The following NEIL3 variants were observed in gnomAD, a reference collection of about 807,000 sequenced individuals.
The protein encoded by NEIL3 is endonuclease 8-like 3.
In NEIL3, 48 loss-of-function variants were observed where a neutral mutation model predicts 57.5. That is an observed-to-expected ratio of 0.83 (90% confidence interval 0.66 to 1.06). The LOEUF (loss-of-function observed/expected upper bound fraction) is 1.06. Ranked by LOEUF, NEIL3 falls within the 50% of genes least tolerant of loss-of-function variation. The pLI is 0.00. For missense variants in NEIL3, 717 were observed against 739.1 expected (o/e 0.97, Z 0.35); for synonymous variants, 261 against 253.2 (o/e 1.03, Z -0.29).
downstream of NEIL3, among the ~76,000 whole-genome samples, chr4:177,363,390 A>G (rs1242638673): frequency 1.3e-5 from 2 of 152,226 alleles, no homozygotes; most frequent in Non-Finnish European, 1.5e-5. Flanking sequence ...AACATGTTTT[A>G]TAGTTTTATA....
At chr4:177,370,402 C>T in the NEIL3 span, among the ~76,000 whole-genome samples, 1 of 152,182 alleles carries the variant, frequency 6.6e-6, no homozygotes, top group African/African-American at 2.4e-5. Flanking sequence ...TGTAGGGTCA[C>T]ATGGTTTCAC....
chr4:177,341,608 T>C lies in NEIL3; in HGVS notation c.835T>C (p.Cys279Arg). 1.2e-6 allele frequency: 2 copies of C among 1,613,574 alleles called. No homozygotes were observed. Among genetic ancestry groups the C allele is most frequent in the Non-Finnish European group, 8.5e-7 (1 of 1,179,856 alleles). The change falls in exon 6 of 10, where the codon TGT (cysteine) becomes CGT (arginine). Residue 279 changes from cysteine (C) to arginine (R), a missense_variant. Cys to Arg is a radical substitution (Grantham distance 180, BLOSUM62 -3). Transcript: ENST00000264596. ...NNRMTYFCPH[C>R]QKENPQHVDI... ...CAGAATGACATATTTCTGTCCTCACTGTCAAAAAGAAAATCCTCAACATGT... is the reference window on the plus strand; with the variant it reads ...CAGAATGACATATTTCTGTCCTCACCGTCAAAAAGAAAATCCTCAACATGT...
chr4:177,351,003 T>C (rs1162123702), intron 6 of NEIL3, among the ~76,000 whole-genome samples: 4 of 147,952 alleles, frequency 2.7e-5, no homozygotes, highest in Non-Finnish European at 5.9e-5. Context: ...AGGCCAGGAG[T>C]TCAAGACAGC....
chr4:177,361,182 C>G (rs1045215679), intron 9 of NEIL3, among the ~76,000 whole-genome samples: 1 of 152,290 alleles, frequency 6.6e-6, no homozygotes, highest in African/African-American at 2.4e-5. Context: ...TAGCTATAGG[C>G]GATTCCTCCT....
chr4:177,362,984 G>T (rs1354054653), downstream of NEIL3: 1 of 152,180 alleles, frequency 6.6e-6, no homozygotes, highest in African/African-American at 2.4e-5. Flanking sequence ...TTAAGTTCCT[G>T]TTAGAGGCTG....
intron 2 of NEIL3, among the ~76,000 whole-genome samples, chr4:177,330,259 T>TG (rs1734856858): frequency 6.6e-6 from 1 of 152,110 alleles, no homozygotes; most frequent in African/African-American, 2.4e-5. Flanking sequence ...AACTCACCTG[T>TG]CAAATAAATC....
chr4:177,341,436 T>C (rs746018112), intron 5 of NEIL3, 40 bp from the exon 6 acceptor site: 7 of 1,538,550 alleles, frequency 4.5e-6, no homozygotes, highest in Non-Finnish European at 4.3e-6. Flanking sequence ...GCAGCACTGT[T>C]TTGTGGATAA....
At chr4:177,367,630 T>TAA (rs1735708504), downstream of NEIL3, among the ~76,000 whole-genome samples, 1 of 152,212 alleles carries the variant, frequency 6.6e-6, no homozygotes, top group Non-Finnish European at 1.5e-5. Flanking sequence ...CTGCATCTGT[T>TAA]AGTCCTTATG....
chr4:177,362,231 G>A, intron 9 of NEIL3, 58 bp from the exon 10 acceptor site: 2 of 1,381,494 alleles, frequency 1.4e-6, no homozygotes, highest in South Asian at 1.4e-5. Flanking sequence ...CCTAGGGTTA[G>A]CCTGTACATC....
At chr4:177,367,847 T>C (rs780983518), downstream of NEIL3, among the ~76,000 whole-genome samples, 2 of 152,256 alleles carry the variant, frequency 1.3e-5, no homozygotes, top group Non-Finnish European at 2.9e-5. Context: ...GCCGCTGTGC[T>C]GAATACTTGC....
At chr4:177,322,316 T>C in intron 1 of NEIL3, 143 bp from the exon 2 acceptor site, 1 of 1,149,150 alleles carries the variant, frequency 8.7e-7, no homozygotes, top group Non-Finnish European at 1.3e-6. Context: ...GCCGATTACA[T>C]TACATGACTT....
rs943905377 is a variant in NEIL3, at chr4:177,351,503, G to A, written c.993G>A (p.Lys331=). ...WTCVVCTLIN[K]PSSKACDACL... is the part of the protein sequence containing the mutation. Reference sequence around the variant, plus strand: ...GTGTGGTGTGTACTTTAATCAATAAGCCCTCTTCTAAGGCATGTGATGCTT... The same window carrying A: ...GTGTGGTGTGTACTTTAATCAATAAACCCTCTTCTAAGGCATGTGATGCTT... Residue 331 remains lysine (K), a synonymous_variant, in exon 7 of 10, where the codon AAG becomes AAA. Coordinates refer to ENST00000264596, the MANE Select transcript of NEIL3 (RefSeq NM_018248.3). 6.2e-7 allele frequency: 1 copy of A among 1,613,982 alleles called. No individual in the cohort carries two copies. The highest frequency in any genetic ancestry group is 1.3e-5 in the African/African-American group (1 of 75,004).
intron 6 of NEIL3, among the ~76,000 whole-genome samples, chr4:177,349,718 T>C (rs1186407575): frequency 6.6e-6 from 1 of 152,124 alleles, no homozygotes; most frequent in African/African-American, 2.4e-5. Context: ...CAAGTGGAGA[T>C]TGGGAAGAAT....
rs774606870 is a variant in NEIL3 at position 177,339,823 on chromosome 4, A to T, written c.668A>T (p.Lys223Ile). ...LTDEQIHHLM[K>I]MIRDFSILFY... is the part of the protein sequence containing the mutation. ...GATGAACAGATCCATCACCTCATGAAAATGATACGTGATTTCAGCATTCTC... is the reference window on the plus strand; with the variant it reads ...GATGAACAGATCCATCACCTCATGATAATGATACGTGATTTCAGCATTCTC... The change falls in exon 5 of 10, where the codon AAA becomes ATA. Residue 223 changes from lysine to isoleucine, a missense_variant. Transcript: ENST00000264596. 1.2e-6 allele frequency: 2 copies of T among 1,613,758 alleles called. No individual in the cohort carries two copies. The highest frequency in any genetic ancestry group is 3.3e-5 in the Admixed American group (2 of 60,004).
chr4:177,347,019 AAAAG>A, intron 6 of NEIL3, among the ~76,000 whole-genome samples: 1 of 152,220 alleles, frequency 6.6e-6, no homozygotes, highest in Admixed American at 6.5e-5. Flanking sequence ...AAAAAAAAGA[AAAAG>A]AAAAAACCTA....
chr4:177,333,647 TC>T (rs1578994333), intron 2 of NEIL3, among the ~76,000 whole-genome samples: 2 of 152,306 alleles, frequency 1.3e-5, no homozygotes, highest in East Asian at 3.9e-4. Context: ...ACTGAAATCT[TC>T]TATAGTCTTC....
At chr4:177,370,280 A>G in the NEIL3 span, among the ~76,000 whole-genome samples, 2 of 152,318 alleles carry the variant, frequency 1.3e-5, no homozygotes, top group East Asian at 1.9e-4. Flanking sequence ...TATCAGAACA[A>G]TGAATGTTAT....
At chr4:177,366,651 G>A (rs972727029), downstream of NEIL3, among the ~76,000 whole-genome samples, 7 of 152,090 alleles carry the variant, frequency 4.6e-5, no homozygotes, top group Non-Finnish European at 5.9e-5. Flanking sequence ...TGCCTGCCTC[G>A]GCCTCCCAAA....
chr4:177,314,064 A>G (rs1578984399), intron 1 of NEIL3, among the ~76,000 whole-genome samples: 1 of 152,292 alleles, frequency 6.6e-6, no homozygotes, highest in South Asian at 2.1e-4. Flanking sequence ...ACAGAGATTC[A>G]TTTTCCAGCA....
Sources: gnomAD v4.1 joint callset for allele counts (sites outside exome capture counted in the v4.1 genomes callset) on GRCh38, gnomAD v4.1.1 for gene constraint, MANE v1.5 for transcripts, NCBI Gene and HGNC (gene_info 2026-07-23, HGNC 2026-07-21) for gene names.